Variants in FOXN1 observed in about 807,000 individuals in gnomAD.
FOXN1 encodes forkhead box protein N1.
Under a neutral mutation model 49.0 loss-of-function variants are expected in FOXN1, and 15 were observed. The observed-to-expected ratio is 0.31, with a 90% CI of 0.20 to 0.47. The LOEUF (loss-of-function observed/expected upper bound fraction) is 0.47. Ranked by LOEUF, FOXN1 falls within the 20% of genes least tolerant of loss-of-function variation. The pLI, the probability that FOXN1 is intolerant of heterozygous loss-of-function variation, is 1.00. For missense variants in FOXN1, 800 were observed against 842.8 expected, an observed-to-expected ratio of 0.95 and a Z score of 0.63; for synonymous variants, 356 against 369.0, an observed-to-expected ratio of 0.96 and a Z score of 0.40.
chr17:28,515,154 G>T (rs2069468962), intron 1 of FOXN1, among the ~76,000 whole-genome samples: 1 of 152,020 alleles, frequency 6.6e-6, no homozygotes, highest in African/African-American at 2.4e-5. Flanking sequence ...TGTCCTCAGG[G>T]GCGCCCCACA....
In FOXN1 at chr17:28,537,367, G is replaced by A. The variant is rs766240765; in HGVS notation, c.1878G>A (p.Thr626=). 31 of 1,612,372 alleles carry A rather than the reference G, an allele frequency of 1.9e-5. No homozygotes were observed. Among genetic ancestry groups the A allele is most frequent in the South Asian group, 1.8e-4 (16 of 91,060 alleles). ...CTGCCTTTATGGAGCTGGAGCCCAC[G>A]CCCCCCACGGCCCCTGCAGGCCCCT... ...LYSAFMELEP[T]PPTAPAGPSV... is the part of the protein sequence containing the mutation. The change falls in exon 9 of 9, where the codon ACG becomes ACA. Residue 626 remains threonine (T), a synonymous_variant. Coordinates refer to ENST00000579795, the MANE Select transcript of FOXN1 (RefSeq NM_001369369.1).
In FOXN1 at chr17:28,534,601, A is replaced by AC. The variant is rs1452624300; in HGVS notation, c.1135+63_1135+64insC. Reference sequence around the variant, plus strand: ...TACTCATGAGCCAAAAAAAAAAAAAAGAGAGAATCAGAGAATGAGGCAAGG... The same window carrying AC: ...TACTCATGAGCCAAAAAAAAAAAAAACGAGAGAATCAGAGAATGAGGCAAGG... On this transcript the variant is annotated intron_variant, in intron 7 of 8. Coordinates refer to ENST00000579795, the MANE Select transcript of FOXN1 (RefSeq NM_001369369.1). The surrounding 1 kb of genome is among the most constrained non-coding windows in gnomAD (Gnocchi z 4.1). 6 of 1,567,238 alleles carry AC rather than the reference A, an allele frequency of 3.8e-6. No individual in the cohort carries two copies. Among genetic ancestry groups the AC allele is most frequent in the Non-Finnish European group, 5.2e-6 (6 of 1,158,048 alleles).
chr17:28,522,801 G>A (rs2069667358), intron 1 of FOXN1, among the ~76,000 whole-genome samples: 1 of 151,410 alleles, frequency 6.6e-6, no homozygotes, highest in Non-Finnish European at 1.5e-5. Context: ...TGATGCCACT[G>A]CACTCCAGCC....
chr17:28,530,621 G>A (rs948984314), intron 5 of FOXN1, 128 bp from the exon 6 acceptor site: 4 of 709,562 alleles, frequency 5.6e-6, no homozygotes, highest in African/African-American at 5.2e-5. Context: ...TCACTTCAAT[G>A]GACACCTTCT....
At chr17:28,507,653 C>T (rs1259767852) in intron 1 of FOXN1, among the ~76,000 whole-genome samples, 1 of 152,218 alleles carries the variant, frequency 6.6e-6, no homozygotes, top group East Asian at 1.9e-4. Context: ...TCCAGCTCTG[C>T]TTGCCCGGTA....
Position 28,523,854 on chromosome 17 carries a change from AG to A in FOXN1, c.-14-99del, listed in dbSNP as rs2151486070. On this transcript the variant is annotated intron_variant, in intron 1 of 8. Coordinates refer to ENST00000579795, the MANE Select transcript of FOXN1 (RefSeq NM_001369369.1). ...TCTCATCAGATGGCTGACTGGAGGC[AG>A]GGTCCCAGCCCAAGGATGGGGTTGG... 3.1e-6 allele frequency: 3 copies of A among 975,990 alleles called. No individual in the cohort carries two copies. The South Asian group carries it at 3.9e-5, about 13-fold the overall frequency. 60.5% of individuals were successfully genotyped at this position (975,990 alleles called of 1,614,324 possible).
chr17:28,524,097 G>GTACCC lies in FOXN1; in HGVS notation c.123+6_123+10dup. The GTACCC allele has an allele frequency of 6.3e-7, 1 of 1,590,772 alleles. No homozygotes were observed. Among genetic ancestry groups the GTACCC allele is most frequent in the Non-Finnish European group, 8.6e-7 (1 of 1,169,318 alleles). ...GGCTCCCCTGCCCCACAGAGTGTAAGTACCCGGCATCTGGGCCTGGGTTTA... is the reference window on the plus strand; with the variant it reads ...GGCTCCCCTGCCCCACAGAGTGTAAGTACCCTACCCGGCATCTGGGCCTGGGTTTA... On this transcript the variant is annotated splice_donor_region_variant and intron_variant, in intron 2 of 8. Transcript: ENST00000579795.
In FOXN1 at chr17:28,529,222, C is replaced by G; in HGVS notation, c.828C>G (p.Tyr276Ter). 1 of 1,614,134 alleles carries G rather than the reference C, an allele frequency of 6.2e-7. No individual in the cohort carries two copies. The change falls in exon 5 of 9, where the codon TAC (tyrosine) becomes TAG (stop). Residue 276 changes from tyrosine to a stop codon, truncating the protein, a stop_gained and splice_region_variant. Transcript: ENST00000579795. LOFTEE classifies it high-confidence loss of function. The stretch of plus-strand genomic sequence containing the variant: ...TCTTCCCAAAACCCATCTATTCCTA[C>G]AGGTACATTTCCCACTCTCCAGGGA... Reference protein sequence around the residue: ...QPLFPKPIYSYSILIFMALKN... With the variant: ...QPLFPKPIYS
At chr17:28,519,777 C>A (rs1217137693) in intron 1 of FOXN1, among the ~76,000 whole-genome samples, 1 of 152,060 alleles carries the variant, frequency 6.6e-6, no homozygotes, top group Non-Finnish European at 1.5e-5. Flanking sequence ...GACACTAGCT[C>A]TACCACATGG....
At chr17:28,533,528 G>C (rs902194482) in intron 6 of FOXN1, among the ~76,000 whole-genome samples, 1 of 141,088 alleles carries the variant, frequency 7.1e-6, no homozygotes, top group Non-Finnish European at 1.5e-5. Flanking sequence ...ACCAGGGCAC[G>C]CCCCCTGGGC....
In FOXN1 at chr17:28,538,860, C is replaced by T. The variant is rs1006551150; in HGVS notation, c.*1424C>T. On this transcript the variant is annotated 3_prime_UTR_variant, in exon 9 of 9. Coordinates refer to ENST00000579795, the MANE Select transcript of FOXN1 (RefSeq NM_001369369.1). Reference sequence around the variant, plus strand: ...TCCCGCGATGGCTTGTCATTGTCCCCTGTCCTGGAACAATAAAGCAAGTGC... The same window carrying T: ...TCCCGCGATGGCTTGTCATTGTCCCTTGTCCTGGAACAATAAAGCAAGTGC... The T allele has an allele frequency of 2.0e-5, 3 of 152,246 alleles. No homozygotes were observed. Among genetic ancestry groups the T allele is most frequent in the Non-Finnish European group, 4.4e-5 (3 of 68,056 alleles). The allele number at this position is 152,246 out of a possible 1,614,324, so 9.4% of individuals were successfully genotyped here.
At chr17:28,514,620 G>C (rs1033250948) in intron 1 of FOXN1, among the ~76,000 whole-genome samples, 7 of 152,104 alleles carry the variant, frequency 4.6e-5, no homozygotes, top group African/African-American at 1.2e-4. Flanking sequence ...GCCCTGGGTG[G>C]GGCTACAGGC....
intron 4 of FOXN1, among the ~76,000 whole-genome samples, chr17:28,528,359 C>CT (rs2069822573): frequency 6.6e-6 from 1 of 152,176 alleles, no homozygotes; most frequent in East Asian, 1.9e-4. Flanking sequence ...CACAGAAGGA[C>CT]TAAGGGGCCA....
chr17:28,513,324 C>T (rs2069430572), intron 1 of FOXN1, among the ~76,000 whole-genome samples: 1 of 152,164 alleles, frequency 6.6e-6, no homozygotes, highest in South Asian at 2.1e-4. Flanking sequence ...CAAGGACATC[C>T]ATCCATCTAT....
Position 28,524,771 on chromosome 17 carries a change from A to G in FOXN1, c.392A>G (p.His131Arg), listed in dbSNP as rs140801727. 8 of 1,613,482 alleles carry G rather than the reference A, an allele frequency of 5.0e-6. No individual in the cohort carries two copies. Among genetic ancestry groups the G allele is most frequent in the Middle Eastern group, 1.6e-4 (1 of 6,062 alleles). The change falls in exon 3 of 9, where the codon CAT (histidine) becomes CGT (arginine). Residue 131 changes from histidine (H) to arginine (R), a missense_variant. Coordinates refer to ENST00000579795, the MANE Select transcript of FOXN1 (RefSeq NM_001369369.1). Reference protein sequence around the residue: ...APFHPYKRPFHEDVFPEAETT... With the variant: ...APFHPYKRPFREDVFPEAETT... Reference sequence around the variant, plus strand: ...TTCCACCCGTACAAGCGGCCTTTCCATGAGGACGTCTTCCCAGAGGCCGAG... The same window carrying G: ...TTCCACCCGTACAAGCGGCCTTTCCGTGAGGACGTCTTCCCAGAGGCCGAG...
At chr17:28,526,476 C>G (rs566751460) in intron 3 of FOXN1, among the ~76,000 whole-genome samples, 1 of 152,340 alleles carries the variant, frequency 6.6e-6, no homozygotes, top group East Asian at 1.9e-4. Flanking sequence ...CCCTCCTGTC[C>G]GTACTCACCG....
At chr17:28,514,911 A>AG (rs2069464717) in intron 1 of FOXN1, among the ~76,000 whole-genome samples, 1 of 152,136 alleles carries the variant, frequency 6.6e-6, no homozygotes, top group Non-Finnish European at 1.5e-5. Flanking sequence ...AGGCTTGAGC[A>AG]GGGAGGCTGA....
Position 28,537,865 on chromosome 17 carries a change from A to C in FOXN1, c.*429A>C. 3.6e-6 allele frequency: 1 copy of C among 274,672 alleles called. No homozygotes were observed. The highest frequency in any genetic ancestry group is 7.2e-6 in the Non-Finnish European group (1 of 139,522). The allele number at this position is 274,672 out of a possible 1,614,324, so 17.0% of individuals were successfully genotyped here. A position where few individuals can be genotyped will look rare whatever the true frequency, so the allele number is the denominator to read the frequency against. On this transcript the variant is annotated 3_prime_UTR_variant, in exon 9 of 9. Coordinates refer to ENST00000579795, the MANE Select transcript of FOXN1 (RefSeq NM_001369369.1). ...TGAGAGCTGAGCGCTTTGCTTACCA[A>C]AAGCTCAGGGCCCTGTGCCAGGCCA...
chr17:28,520,020 G>A (rs1293596924), intron 1 of FOXN1, among the ~76,000 whole-genome samples: 1 of 151,974 alleles, frequency 6.6e-6, no homozygotes, highest in African/African-American at 2.4e-5. Context: ...CATGTACTAT[G>A]TGTTAAGCTA....
Sources: gnomAD v4.1 joint callset for allele counts (sites outside exome capture counted in the v4.1 genomes callset) on GRCh38, gnomAD v4.1.1 for gene constraint, Gnocchi (gnomAD v3.1) non-coding constraint, MANE v1.5 for transcripts, NCBI Gene and HGNC (gene_info 2026-07-23, HGNC 2026-07-21) for gene names.